Variants in PTPRD observed in about 807,000 individuals in gnomAD.
The protein encoded by PTPRD is receptor-type tyrosine-protein phosphatase delta.
A neutral mutation model predicts 214.5 loss-of-function variants in PTPRD; 34 were observed. The ratio of observed to expected loss-of-function variants is 0.16; its 90% confidence interval spans 0.12 to 0.21. PTPRD has a LOEUF of 0.21. Ranked by LOEUF, PTPRD falls within the 10% of genes least tolerant of loss-of-function variation. The pLI, the probability that PTPRD is intolerant of heterozygous loss-of-function variation, is 1.00. For synonymous variants in PTPRD, 1,128 were observed against 845.7 expected, an observed-to-expected ratio of 1.33 and a Z score of -5.79; for missense variants, 2,545 against 2,398.7, an observed-to-expected ratio of 1.06 and a Z score of -1.27.
At chr9:9,324,712 T>A (rs966392664) in intron 9 of PTPRD, among the ~76,000 whole-genome samples, 15 of 152,018 alleles carry the variant, frequency 9.9e-5, no homozygotes, top group African/African-American at 3.1e-4. Context: ...CCCATTTGTC[T>A]ATTTTGGCTT....
At chr9:9,747,666 C>A (rs2098472169) in intron 6 of PTPRD, among the ~76,000 whole-genome samples, 2 of 151,882 alleles carry the variant, frequency 1.3e-5, no homozygotes. Flanking sequence ...CCTGCCTCAG[C>A]CTCCTGAGTA....
At chr9:10,273,550 A>C (rs1260550772) in intron 3 of PTPRD, among the ~76,000 whole-genome samples, 1 of 152,146 alleles carries the variant, frequency 6.6e-6, no homozygotes, top group East Asian at 1.9e-4. Context: ...GTAGAAATGC[A>C]TTTATTTTGT....
chr9:8,831,472 G>A (rs1405507681), intron 11 of PTPRD, among the ~76,000 whole-genome samples: 2 of 152,002 alleles, frequency 1.3e-5, no homozygotes, highest in Non-Finnish European at 1.5e-5. Flanking sequence ...CATGCTCAGA[G>A]ACCAGACTAC....
At chr9:8,676,539 C>T (rs925687032) in intron 12 of PTPRD, among the ~76,000 whole-genome samples, 1 of 151,582 alleles carries the variant, frequency 6.6e-6, no homozygotes, top group Non-Finnish European at 1.5e-5. Context: ...CCTGCCACCA[C>T]ATCCACTTGA....
At chr9:9,501,528 A>G (rs1273604178) in intron 8 of PTPRD, among the ~76,000 whole-genome samples, 2 of 152,002 alleles carry the variant, frequency 1.3e-5, no homozygotes, top group Non-Finnish European at 2.9e-5. Context: ...ATCAGTAAAT[A>G]TATAAATGAT....
At chr9:10,435,950 CA>C (rs2098714324) in intron 2 of PTPRD, among the ~76,000 whole-genome samples, 1 of 151,606 alleles carries the variant, frequency 6.6e-6, no homozygotes, top group South Asian at 2.1e-4. Context: ...TTTTGTGTTT[CA>C]AAAATGGACA....
intron 11 of PTPRD, among the ~76,000 whole-genome samples, chr9:8,933,907 A>G (rs1276314059): frequency 6.6e-6 from 1 of 152,166 alleles, no homozygotes; most frequent in African/African-American, 2.4e-5. Context: ...CCTTCTGGCA[A>G]GTTCTCCATA....
At chr9:8,981,484 T>C (rs1178067156) in intron 11 of PTPRD, among the ~76,000 whole-genome samples, 1 of 152,060 alleles carries the variant, frequency 6.6e-6, no homozygotes, top group African/African-American at 2.4e-5. Flanking sequence ...GATTTGGATT[T>C]TCAATAAGTT....
chr9:9,144,788 C>T (rs918460454), intron 10 of PTPRD, among the ~76,000 whole-genome samples: 4 of 151,764 alleles, frequency 2.6e-5, no homozygotes, highest in Non-Finnish European at 4.4e-5. Context: ...AAAACAAACA[C>T]AAAAACCCAA....
At chr9:10,364,544 T>C (rs1470354619) in intron 2 of PTPRD, among the ~76,000 whole-genome samples, 2 of 152,210 alleles carry the variant, frequency 1.3e-5, no homozygotes, top group East Asian at 1.9e-4. Flanking sequence ...CTTCTCTTTA[T>C]GCATTTCTTA....
At chr9:9,686,574 G>C (rs1046698272) in intron 7 of PTPRD, among the ~76,000 whole-genome samples, 1 of 151,542 alleles carries the variant, frequency 6.6e-6, no homozygotes, top group African/African-American at 2.4e-5. Flanking sequence ...GTGGCTAATA[G>C]GAAGGCAGCA....
At chr9:9,174,602 T>C (rs149267946) in intron 10 of PTPRD, among the ~76,000 whole-genome samples, 73 of 152,288 alleles carry the variant, frequency 4.8e-4, no homozygotes, top group Non-Finnish European at 8.5e-4. Flanking sequence ...TTGTGTAATA[T>C]GTTCTCCTAA....
At chr9:8,449,539 G>A (rs967583652) in intron 34 of PTPRD, among the ~76,000 whole-genome samples, 186 bp downstream of exon 34, 15 of 152,098 alleles carry the variant, frequency 9.9e-5, no homozygotes, top group African/African-American at 2.9e-4. Context: ...CCCAATTTCC[G>A]GTTTGCAGAA....
intron 10 of PTPRD, among the ~76,000 whole-genome samples, chr9:9,157,643 G>A (rs12376563): frequency 0.69 from 105,530 of 152,092 alleles, 37,082 homozygotes; most frequent in Non-Finnish European, 0.77. Flanking sequence ...CCATCAAAGA[G>A]AAGCCCAGGA....
At chr9:9,979,197 T>C (rs1323399921) in intron 4 of PTPRD, among the ~76,000 whole-genome samples, 2 of 151,720 alleles carry the variant, frequency 1.3e-5, no homozygotes, top group African/African-American at 4.8e-5. Context: ...AAAGAAAGAG[T>C]GTCAAAAATG....
intron 2 of PTPRD, among the ~76,000 whole-genome samples, chr9:10,471,570 G>T (rs1190055926): frequency 6.6e-6 from 1 of 151,876 alleles, no homozygotes; most frequent in Non-Finnish European, 1.5e-5. Flanking sequence ...TTCCAAATCT[G>T]GTATCTGTGA....
At chr9:8,820,194 C>T (rs1483913118) in intron 11 of PTPRD, among the ~76,000 whole-genome samples, 1 of 151,814 alleles carries the variant, frequency 6.6e-6, no homozygotes, top group Admixed American at 6.6e-5. Context: ...TTAATATAAC[C>T]ACAAATAATA....
At chr9:9,285,896 A>G (rs1192403073) in intron 9 of PTPRD, among the ~76,000 whole-genome samples, 4 of 151,788 alleles carry the variant, frequency 2.6e-5, no homozygotes, top group Non-Finnish European at 5.9e-5. Flanking sequence ...CTATATCTAT[A>G]TATCTGTAAA....
At chr9:10,241,714 G>C (rs2091091249) in intron 3 of PTPRD, among the ~76,000 whole-genome samples, 1 of 151,874 alleles carries the variant, frequency 6.6e-6, no homozygotes, top group East Asian at 1.9e-4. Flanking sequence ...TTATTATAAA[G>C]GGGCACCAAG....
Sources: allele counts gnomAD v4.1 joint callset (sites outside exome capture counted in the v4.1 genomes callset), GRCh38; gene constraint gnomAD v4.1.1; transcripts MANE v1.5; gene names NCBI Gene and HGNC (gene_info 2026-07-23, HGNC 2026-07-21).